Variants in NKX2-2 observed in about 807,000 individuals in gnomAD.
NKX2-2 encodes the protein NK2 homeobox 2.
Under a neutral mutation model 24.6 loss-of-function variants are expected in NKX2-2, and 8 were observed. The observed-to-expected ratio is 0.32, with a 90% CI of 0.19 to 0.59. The LOEUF (loss-of-function observed/expected upper bound fraction) is 0.59, where lower values mean the gene tolerates loss of function less well. Among genes scored for constraint, NKX2-2 ranks in the 20% least tolerant of loss-of-function variants. The pLI, the probability that NKX2-2 is intolerant of heterozygous loss-of-function variation, is 0.86. For missense variants in NKX2-2, 381 were observed against 373.9 expected (o/e 1.02, Z -0.16); for synonymous variants, 217 against 173.3 (o/e 1.25, Z -1.98).
At position 21,513,183 on chromosome 20, in the gene NKX2-2, C is replaced by T. The variant is rs1468594756; in HGVS notation, c.259+228G>A. Among the ~76,000 whole-genome samples the T allele has an allele frequency of 6.6e-6, 1 of 152,168 alleles. No homozygotes were observed. The highest frequency in any genetic ancestry group is 1.5e-5 in the Non-Finnish European group (1 of 68,028). On this transcript the variant is annotated intron_variant, in intron 1 of 1. Coordinates refer to ENST00000377142, the MANE Select transcript of NKX2-2 (RefSeq NM_002509.4). The surrounding 1 kb of genome is among the most constrained non-coding windows in gnomAD (Gnocchi z 4.6). ...CCTTCTCCCTCTTTCTCCTTAACTT[C>T]TCGCATTGAAAAAAATTTTGGAGAC...
upstream of NKX2-2, among the ~76,000 whole-genome samples, chr20:21,515,872 T>C (rs1980624957): frequency 6.6e-6 from 1 of 152,156 alleles, no homozygotes; most frequent in Non-Finnish European, 1.5e-5. Flanking sequence ...CCCGAGCCGC[T>C]CGGCGGCTTT....
upstream of NKX2-2, among the ~76,000 whole-genome samples, chr20:21,515,984 C>G (rs1247758294): frequency 6.6e-6 from 1 of 152,244 alleles, no homozygotes; most frequent in Non-Finnish European, 1.5e-5. Flanking sequence ...CGGACCCGGG[C>G]AAACACAAAT....
intron 1 of NKX2-2, among the ~76,000 whole-genome samples, chr20:21,512,851 C>T (rs962338838): frequency 1.3e-5 from 2 of 152,222 alleles, no homozygotes; most frequent in South Asian, 4.1e-4. Context: ...AGAAATACCC[C>T]ACAATCCCAG....
At chr20:21,519,203 T>C in the NKX2-2 span, among the ~76,000 whole-genome samples, 1 of 152,250 alleles carries the variant, frequency 6.6e-6, no homozygotes, top group Non-Finnish European at 1.5e-5. Flanking sequence ...ATTTCATTTC[T>C]TCGTCTTTTT....
At position 21,512,001 on chromosome 20, in the gene NKX2-2, G is replaced by T; in HGVS notation, c.744C>A (p.Asn248Lys). 1.2e-6 allele frequency: 2 copies of T among 1,613,322 alleles called. No homozygotes were observed. The highest frequency in any genetic ancestry group is 2.2e-5 in the South Asian group (2 of 91,084). ...GGGTGCTGGCCGAGCTGTACTGGGC[G>T]TTGTACTGCATGTGCTGCAGCGACT... ...SAQSLQHMQY[N>K]AQYSSASTPQ... is the part of the protein sequence containing the mutation. Residue 248 changes from asparagine (N) to lysine (K), a missense_variant, in exon 2 of 2, where the codon AAC (asparagine) becomes AAA (lysine). Transcript: ENST00000377142.
Position 21,512,445 on chromosome 20 carries a change from G to A in NKX2-2, c.300C>T (p.Ser100=). The A allele has an allele frequency of 6.3e-7, 1 of 1,588,114 alleles. No individual in the cohort carries two copies. The highest frequency in any genetic ancestry group is 1.1e-5 in the South Asian group (1 of 88,462). ...LAAGAPPQDS[S]SKSPEPSADE... is the part of the protein sequence containing the mutation. ...CGGCCGAGGGCTCCGGGGACTTGGA[G>A]CTTGAGTCCTGAGGGGGCGCCCCGG... Residue 100 remains serine, a synonymous_variant, in exon 2 of 2, where the codon AGC becomes AGT. Coordinates refer to ENST00000377142, the MANE Select transcript of NKX2-2 (RefSeq NM_002509.4).
Position 21,513,731 on chromosome 20 carries a change from T to C in NKX2-2, c.-62A>G, listed in dbSNP as rs1600261589. ...GCTTCACTTGGTCAATTCGTGGCGC[T>C]CCCCTGCCCCGGCGGGCGGGGGAGG... On this transcript the variant is annotated 5_prime_UTR_variant, in exon 1 of 2. Coordinates refer to ENST00000377142, the MANE Select transcript of NKX2-2 (RefSeq NM_002509.4). This position sits in a 1 kb window ranked among gnomAD's most constrained non-coding sequence, Gnocchi z 4.6. 3 of 1,027,260 alleles carry C rather than the reference T, an allele frequency of 2.9e-6. No individual in the cohort carries two copies. The highest frequency in any genetic ancestry group is 2.7e-5 in the South Asian group (1 of 36,864). 63.6% of individuals were successfully genotyped at this position (1,027,260 alleles called of 1,614,324 possible). A position where few individuals can be genotyped will look rare whatever the true frequency, so the allele number is the denominator to read the frequency against.
At chr20:21,516,267 C>T (rs960014564), upstream of NKX2-2, among the ~76,000 whole-genome samples, 125 of 152,310 alleles carry the variant, frequency 8.2e-4, no homozygotes, top group African/African-American at 2.9e-3. Flanking sequence ...TCGACGCTCC[C>T]CGATTCCTCT....
At position 21,513,103 on chromosome 20, in the gene NKX2-2, G is replaced by A. The variant is rs1176216151; in HGVS notation, c.259+308C>T. 2.0e-5 allele frequency among the ~76,000 whole-genome samples: 3 copies of A among 152,074 alleles called. No individual in the cohort carries two copies. Among genetic ancestry groups the A allele is most frequent in the Admixed American group, 6.5e-5 (1 of 15,282 alleles). On this transcript the variant is annotated intron_variant, in intron 1 of 1. Transcript: ENST00000377142. The surrounding 1 kb of genome is among the most constrained non-coding windows in gnomAD (Gnocchi z 4.6). ...CCAGCGGCCGGAGTCCGGGGGCTGCGGCTGGAGCCATCGGTCCGGGTTGAC... is the reference window on the plus strand; with the variant it reads ...CCAGCGGCCGGAGTCCGGGGGCTGCAGCTGGAGCCATCGGTCCGGGTTGAC...
rs763427610 is a variant in NKX2-2 at position 21,513,234 on chromosome 20, G to T, written c.259+177C>A. Among the ~76,000 whole-genome samples, 1 of 152,220 alleles carries T rather than the reference G, an allele frequency of 6.6e-6. No individual in the cohort carries two copies. The highest frequency in any genetic ancestry group is 1.5e-5 in the Non-Finnish European group (1 of 68,040). ...CAAGTTCTTTCCCGGAACTAAGGAG[G>T]CTTGAAGAGGAGGGCAGAGGACATC... is the stretch of plus-strand genomic sequence containing the variant. On this transcript the variant is annotated intron_variant, in intron 1 of 1. Coordinates refer to ENST00000377142, the MANE Select transcript of NKX2-2 (RefSeq NM_002509.4). The surrounding 1 kb of genome is among the most constrained non-coding windows in gnomAD (Gnocchi z 4.6).
chr20:21,520,726 CA>C, the NKX2-2 span, among the ~76,000 whole-genome samples: 2 of 152,012 alleles, frequency 1.3e-5, no homozygotes, highest in Admixed American at 1.3e-4. Flanking sequence ...AACCAAACGC[CA>C]CGTCCCCCTG....
rs945509767 is a variant in NKX2-2 at position 21,513,310 on chromosome 20, C to T, written c.259+101G>A. 76 of 1,304,600 alleles carry T rather than the reference C, an allele frequency of 5.8e-5. No homozygotes were observed. The highest frequency in any genetic ancestry group is 7.3e-5 in the Non-Finnish European group (71 of 972,446). The allele number at this position is 1,304,600 out of a possible 1,614,324, so 80.8% of individuals were successfully genotyped here. A position where few individuals can be genotyped will look rare whatever the true frequency, so the allele number is the denominator to read the frequency against. On this transcript the variant is annotated intron_variant, in intron 1 of 1. Transcript: ENST00000377142. The surrounding 1 kb of genome is among the most constrained non-coding windows in gnomAD (Gnocchi z 4.6). ...ACGGATCCGAGTGAGGGGGTCCGGG[C>T]TTACATGGCCCCTTCCCCTTTCACT... is the stretch of plus-strand genomic sequence containing the variant.
upstream of NKX2-2, among the ~76,000 whole-genome samples, chr20:21,515,059 C>A (rs1003259424): frequency 3.3e-5 from 5 of 150,510 alleles, no homozygotes; most frequent in Non-Finnish European, 5.9e-5. Flanking sequence ...CCGGGGAGGG[C>A]GGGGTAAGAG....
Position 21,513,883 on chromosome 20 carries a change from G to A in NKX2-2, c.-214C>T. 2.5e-6 allele frequency: 1 copy of A among 404,808 alleles called. No individual in the cohort carries two copies. Among genetic ancestry groups the A allele is most frequent in the South Asian group, 6.2e-5 (1 of 16,216 alleles). The allele number at this position is 404,808 out of a possible 1,614,324, so 25.1% of individuals were successfully genotyped here. A position where few individuals can be genotyped will look rare whatever the true frequency, so the allele number is the denominator to read the frequency against. Reference sequence around the variant, plus strand: ...GGAAAAAAATGAAGCCCAACCCAGTGCCTCTCTCTGTCTTCTTTGAAAGCA... The same window carrying A: ...GGAAAAAAATGAAGCCCAACCCAGTACCTCTCTCTGTCTTCTTTGAAAGCA... On this transcript the variant is annotated 5_prime_UTR_variant, in exon 1 of 2. Transcript: ENST00000377142. The surrounding 1 kb of genome is among the most constrained non-coding windows in gnomAD (Gnocchi z 4.6).
chr20:21,514,335 C>T (rs1224998714), upstream of NKX2-2, among the ~76,000 whole-genome samples: 1 of 151,638 alleles, frequency 6.6e-6, no homozygotes, highest in Non-Finnish European at 1.5e-5. Flanking sequence ...GCGCTCCCAG[C>T]CAACGGCCCT....
In NKX2-2 at chr20:21,513,019, C is replaced by T. The variant is rs759947023; in HGVS notation, c.259+392G>A. Among the ~76,000 whole-genome samples, 1 of 152,170 alleles carries T rather than the reference C, an allele frequency of 6.6e-6. No individual in the cohort carries two copies. The highest frequency in any genetic ancestry group is 2.1e-4 in the South Asian group (1 of 4,834). On this transcript the variant is annotated intron_variant, in intron 1 of 1. Transcript: ENST00000377142. The surrounding 1 kb of genome is among the most constrained non-coding windows in gnomAD (Gnocchi z 4.6). ...CCGGGCCACCCGAAGCCTCCCCACC[C>T]TCCACCCGTACCCGGACGAGGCTCG...
Position 21,513,127 on chromosome 20 carries a change from A to T in NKX2-2, c.259+284T>A, listed in dbSNP as rs1248251887. Among the ~76,000 whole-genome samples, 1 of 151,844 alleles carries T rather than the reference A, an allele frequency of 6.6e-6. No individual in the cohort carries two copies. The highest frequency in any genetic ancestry group is 1.5e-5 in the Non-Finnish European group (1 of 67,956). ...CGGCTGGAGCCATCGGTCCGGGTTG[A>T]CATCATATACCAGCCCCTGGGAGGT... On this transcript the variant is annotated intron_variant, in intron 1 of 1. Transcript: ENST00000377142. The surrounding 1 kb of genome is among the most constrained non-coding windows in gnomAD (Gnocchi z 4.6).
In NKX2-2 at chr20:21,512,414, A is replaced by G; in HGVS notation, c.331T>C (p.Ser111Pro). The change falls in exon 2 of 2, where the codon TCA becomes CCA. Residue 111 changes from serine to proline, a missense_variant. Coordinates refer to ENST00000377142, the MANE Select transcript of NKX2-2 (RefSeq NM_002509.4). ...GGGGTCTCCTTGTCATTGTCCGGTG[A>G]CTCGTCGGCCGAGGGCTCCGGGGAC... ...SKSPEPSADE[S>P]PDNDKETPGG... 1 of 1,595,392 alleles carries G rather than the reference A, an allele frequency of 6.3e-7. No individual in the cohort carries two copies. The highest frequency in any genetic ancestry group is 8.5e-7 in the Non-Finnish European group (1 of 1,175,302).
the NKX2-2 span, among the ~76,000 whole-genome samples, chr20:21,519,680 C>G: frequency 6.6e-6 from 1 of 152,360 alleles, no homozygotes; most frequent in Admixed American, 6.5e-5. Context: ...TAGGGGAATG[C>G]ACCCCAGGAG....
Sources: gnomAD v4.1 joint callset for allele counts (sites outside exome capture counted in the v4.1 genomes callset) on GRCh38, gnomAD v4.1.1 for gene constraint, Gnocchi (gnomAD v3.1) non-coding constraint, MANE v1.5 for transcripts, NCBI Gene and HGNC (gene_info 2026-07-23, HGNC 2026-07-21) for gene names.